Variants in C4orf51 observed in about 807,000 individuals in gnomAD.
C4orf51 encodes uncharacterized protein C4orf51.
A neutral mutation model predicts 25.2 loss-of-function variants in C4orf51; 25 were observed. That is an observed-to-expected ratio of 0.99 (90% CI 0.72 to 1.39). The LOEUF is 1.39. Ranked by LOEUF, C4orf51 falls within the 40% of genes most tolerant of loss-of-function variation. The probability of loss-of-function intolerance (pLI) is 0.00; values close to 1 mark genes in which losing one functional copy is unlikely to be tolerated. For missense variants in C4orf51, 252 were observed against 239.6 expected, an observed-to-expected ratio of 1.05 and a Z score of -0.34; for synonymous variants, 100 against 84.5, an observed-to-expected ratio of 1.18 and a Z score of -1.01.
intron 1 of C4orf51, among the ~76,000 whole-genome samples, chr4:145,739,285 A>C (rs766065995): frequency 6.6e-6 from 1 of 152,254 alleles, no homozygotes; most frequent in Non-Finnish European, 1.5e-5. Flanking sequence ...TGCAGTGACC[A>C]AAGTTATAGC....
At chr4:145,700,275 C>CACACCCCAACCTCTTATCTCT (rs1730347538) in intron 2 of C4orf51, among the ~76,000 whole-genome samples, 1 of 151,906 alleles carries the variant, frequency 6.6e-6, no homozygotes, top group Non-Finnish European at 1.5e-5. Flanking sequence ...CCCTTATTTC[C>CACACCCCAACCTCTTATCTCT]GTGCCCTGAC....
downstream of C4orf51, among the ~76,000 whole-genome samples, chr4:145,772,995 T>C (rs1433274528): frequency 1.3e-5 from 2 of 152,138 alleles, no homozygotes; most frequent in Non-Finnish European, 2.9e-5. Flanking sequence ...ATGGTTTCTA[T>C]GGTGGTATGG....
chr4:145,703,392 A>T (rs942127864), intron 2 of C4orf51, among the ~76,000 whole-genome samples: 1 of 151,174 alleles, frequency 6.6e-6, no homozygotes, highest in African/African-American at 2.4e-5. Context: ...CCCACCCTTA[A>T]CTCCCTTCAC....
At chr4:145,768,531 A>AAGAATG (rs1735667478) in intron 1 of C4orf51, among the ~76,000 whole-genome samples, 1 of 152,086 alleles carries the variant, frequency 6.6e-6, no homozygotes, top group Admixed American at 6.5e-5. Flanking sequence ...CAAGAGACTT[A>AAGAATG]AGAATGTTAA....
At position 145,732,711 on chromosome 4, in the gene C4orf51, C is replaced by T. The variant is rs1369017958; in HGVS notation, c.*151C>T. 5 of 491,098 alleles carry T rather than the reference C, an allele frequency of 1.0e-5. 1 individual carries two copies. The highest frequency in any genetic ancestry group is 3.8e-5 in the Admixed American group (1 of 26,040). 30.4% of individuals were successfully genotyped at this position (491,098 alleles called of 1,614,324 possible). ...TGGCTTTCTGGGACAATTCCATGGG[C>T]TTCATTTATCAGTTTTTTCCCTTTT... is the stretch of plus-strand genomic sequence containing the variant. On this transcript the variant is annotated 3_prime_UTR_variant, in exon 6 of 6. Transcript: ENST00000438731.
intron 1 of C4orf51, among the ~76,000 whole-genome samples, chr4:145,751,168 G>A (rs1009681036): frequency 8.6e-5 from 13 of 151,968 alleles, no homozygotes; most frequent in East Asian, 5.8e-4. Context: ...CATTTGGTGC[G>A]GTCATGTTTT....
Position 145,762,235 on chromosome 4 carries a change from T to TACAGG in C4orf51, n.167-8750_167-8746dup, listed in dbSNP as rs1173769508. Among the ~76,000 whole-genome samples, 1 of 152,108 alleles carries TACAGG rather than the reference T, an allele frequency of 6.6e-6. No individual in the cohort carries two copies. Among genetic ancestry groups the TACAGG allele is most frequent in the Non-Finnish European group, 1.5e-5 (1 of 68,016 alleles). On this transcript the variant is annotated intron_variant and non_coding_transcript_variant, in intron 1 of 1. Coordinates refer to the C4orf51 transcript ENST00000510096. The surrounding 1 kb of genome is among the most constrained non-coding windows in gnomAD (Gnocchi z 4.9). The stretch of plus-strand genomic sequence containing the variant: ...TATGTACTCGTAAAACATATCTCCC[T>TACAGG]ACAGGACTAGCTCTTTGTCAGGAAA...
chr4:145,764,902 A>C, intron 1 of C4orf51: 1 of 1,596,382 alleles, frequency 6.3e-7, no homozygotes, highest in Admixed American at 1.7e-5. Flanking sequence ...TGACTCCCAA[A>C]ACCTTCACGG....
chr4:145,783,522 T>G, the C4orf51 span, among the ~76,000 whole-genome samples: 1 of 152,246 alleles, frequency 6.6e-6, no homozygotes, highest in Non-Finnish European at 1.5e-5. Context: ...AGCCACAAGA[T>G]GATTCTCTTT....
At chr4:145,691,339 TTGG>T (rs1277471708) in intron 1 of C4orf51, among the ~76,000 whole-genome samples, 4 of 152,182 alleles carry the variant, frequency 2.6e-5, no homozygotes, top group African/African-American at 9.7e-5. Context: ...TTATACACTG[TTGG>T]TGGGAATGTA....
the C4orf51 span, among the ~76,000 whole-genome samples, chr4:145,787,890 A>G: frequency 2.0e-5 from 3 of 152,262 alleles, no homozygotes; most frequent in South Asian, 6.2e-4. Context: ...GGGTCAAGTA[A>G]CCGTTTCCAC....
rs1735109441 is a variant in C4orf51 at position 145,765,257 on chromosome 4, C to T, written n.167-5731C>T. 2 of 1,368,380 alleles carry T rather than the reference C, an allele frequency of 1.5e-6. No homozygotes were observed. The highest frequency in any genetic ancestry group is 2.0e-6 in the Non-Finnish European group (2 of 1,021,346). The allele number at this position is 1,368,380 out of a possible 1,614,324, so 84.8% of individuals were successfully genotyped here. A position where few individuals can be genotyped will look rare whatever the true frequency, so the allele number is the denominator to read the frequency against. On this transcript the variant is annotated intron_variant and non_coding_transcript_variant, in intron 1 of 1. Coordinates refer to the C4orf51 transcript ENST00000510096. The surrounding 1 kb of genome is among the most constrained non-coding windows in gnomAD (Gnocchi z 4.7). ...CAAGCTCCTCCCCACTTCCTCCCGC[C>T]TCCTCCGACGCCTGACAGCTATACC...
chr4:145,703,597 GTT>G (rs1211463008), intron 2 of C4orf51, among the ~76,000 whole-genome samples: 1 of 152,068 alleles, frequency 6.6e-6, no homozygotes, highest in African/African-American at 2.4e-5. Context: ...TGTGTAGAAA[GTT>G]TTTGTTTGAT....
intron 2 of C4orf51, among the ~76,000 whole-genome samples, chr4:145,704,448 T>C (rs1730667639): frequency 6.6e-6 from 1 of 152,218 alleles, no homozygotes; most frequent in African/African-American, 2.4e-5. Flanking sequence ...AAGAAATATA[T>C]TTTTGGATAA....
intron 2 of C4orf51, among the ~76,000 whole-genome samples, chr4:145,715,136 G>A (rs1185345190): frequency 6.6e-6 from 1 of 152,216 alleles, no homozygotes; most frequent in African/African-American, 2.4e-5. Flanking sequence ...AGTGATGCAT[G>A]TGGGGCATTG....
At chr4:145,706,820 T>G (rs996186919) in intron 2 of C4orf51, among the ~76,000 whole-genome samples, 4 of 149,268 alleles carry the variant, frequency 2.7e-5, no homozygotes, top group Non-Finnish European at 6.0e-5. Flanking sequence ...TTTTTTTTTT[T>G]TTTTTTTTGA....
downstream of C4orf51, among the ~76,000 whole-genome samples, chr4:145,734,618 C>T (rs1732704027): frequency 1.3e-5 from 2 of 152,088 alleles, no homozygotes; most frequent in Non-Finnish European, 2.9e-5. Flanking sequence ...CCGCCCTGAC[C>T]GTGTGATTTT....
chr4:145,746,099 C>T (rs1733357105), intron 1 of C4orf51, among the ~76,000 whole-genome samples: 2 of 152,070 alleles, frequency 1.3e-5, no homozygotes, highest in African/African-American at 4.8e-5. Flanking sequence ...TGTTTGAACT[C>T]CTTATATATT....
intron 1 of C4orf51, among the ~76,000 whole-genome samples, chr4:145,753,058 C>T (rs1179615120): frequency 1.3e-5 from 2 of 152,084 alleles, no homozygotes; most frequent in African/African-American, 2.4e-5. Context: ...CTTTTCTACC[C>T]TCTTCAGTGC....
Sources: gnomAD v4.1 joint callset for allele counts (sites outside exome capture counted in the v4.1 genomes callset) on GRCh38, gnomAD v4.1.1 for gene constraint, Gnocchi (gnomAD v3.1) non-coding constraint, MANE v1.5 for transcripts, NCBI Gene and HGNC (gene_info 2026-07-23, HGNC 2026-07-21) for gene names.